The following COL21A1 variants were observed in gnomAD, a reference collection of about 807,000 sequenced individuals.
The protein encoded by COL21A1 is collagen type XXI alpha 1 chain, also known as collagen alpha-1(XXI) chain.
A neutral mutation model predicts 137.9 loss-of-function variants in COL21A1; 149 were observed. That is an observed-to-expected ratio of 1.08 (90% CI 0.95 to 1.24). The LOEUF is 1.24. COL21A1 is among the 50% of genes most tolerant of loss of function. The probability of loss-of-function intolerance (pLI) is 0.00; values close to 1 mark genes in which losing one functional copy is unlikely to be tolerated. For synonymous variants in COL21A1, 456 were observed against 391.5 expected (o/e 1.16, Z -1.95); for missense variants, 1,167 against 1,158.4 (o/e 1.01, Z -0.11).
At chr6:56,385,492 T>A (rs144041875) in intron 1 of COL21A1, among the ~76,000 whole-genome samples, 2,028 of 152,294 alleles carry the variant, frequency 0.013, 16 homozygotes, top group Non-Finnish European at 0.02. Context: ...CGAGTCCTTC[T>A]CACATTGTAT....
intron 1 of COL21A1, among the ~76,000 whole-genome samples, chr6:56,389,236 C>A (rs2094024423): frequency 6.6e-6 from 1 of 152,010 alleles, no homozygotes; most frequent in African/African-American, 2.4e-5. Context: ...GTGGCGTGCA[C>A]CTGTAGTCCC....
chr6:56,320,547 A>ACC (rs967861623), intron 1 of COL21A1, among the ~76,000 whole-genome samples: 1 of 120,320 alleles, frequency 8.3e-6, no homozygotes, highest in African/African-American at 3.1e-5. Context: ...ACACACACAC[A>ACC]CCCCTCCCAC....
intron 1 of COL21A1, among the ~76,000 whole-genome samples, chr6:56,313,822 C>G (rs1764667469): frequency 6.6e-6 from 1 of 152,042 alleles, no homozygotes; most frequent in Non-Finnish European, 1.5e-5. Context: ...GAACAGATGC[C>G]CCAGCCAAAT....
chr6:56,294,587 C>T (rs1030796840), intron 1 of COL21A1, among the ~76,000 whole-genome samples: 2 of 152,092 alleles, frequency 1.3e-5, no homozygotes, highest in South Asian at 4.1e-4. Flanking sequence ...GCAATACTAA[C>T]GATAGCCCAT....
At chr6:56,248,839 G>T (rs1259045922), upstream of COL21A1, among the ~76,000 whole-genome samples, 1 of 139,010 alleles carries the variant, frequency 7.2e-6, no homozygotes, top group Non-Finnish European at 1.5e-5. Flanking sequence ...CTTTGGATTT[G>T]GTAACATCTT....
At chr6:56,389,936 TC>T (rs1275322567) in intron 1 of COL21A1, among the ~76,000 whole-genome samples, 1 of 152,168 alleles carries the variant, frequency 6.6e-6, no homozygotes, top group Non-Finnish European at 1.5e-5. Flanking sequence ...TAAAGGGAGT[TC>T]CTCAATCTTA....
chr6:56,307,304 A>C (rs575228860), intron 1 of COL21A1, among the ~76,000 whole-genome samples: 2 of 152,312 alleles, frequency 1.3e-5, no homozygotes, highest in African/African-American at 4.8e-5. Flanking sequence ...TTGTTTGGCA[A>C]TGTCCTGCCC....
intron 1 of COL21A1, among the ~76,000 whole-genome samples, chr6:56,358,350 C>A (rs574072906): frequency 1.9e-4 from 29 of 151,870 alleles, no homozygotes; most frequent in African/African-American, 6.5e-4. Context: ...AAAAAAAAAA[C>A]CCCAAACCAA....
chr6:56,228,571 G>A (rs549556824), intron 1 of COL21A1, among the ~76,000 whole-genome samples: 2 of 150,788 alleles, frequency 1.3e-5, no homozygotes, highest in Admixed American at 1.3e-4. Context: ...GTATGGACAT[G>A]AAATGGTTCA....
chr6:56,344,566 T>G (rs1411936243), intron 1 of COL21A1, among the ~76,000 whole-genome samples: 3 of 152,228 alleles, frequency 2.0e-5, no homozygotes, highest in Non-Finnish European at 2.9e-5. Flanking sequence ...TATAATAAGT[T>G]GGATGAGAGT....
chr6:56,234,078 G>A (rs9349804), intron 1 of COL21A1, among the ~76,000 whole-genome samples: 85,434 of 151,494 alleles, frequency 0.56, 24,345 homozygotes, highest in East Asian at 0.77. Context: ...TATAATAAAA[G>A]ACAAGAAAGC....
At chr6:56,068,630 A>C (rs1195507713) in intron 22 of COL21A1, 4 of 153,116 alleles carry the variant, frequency 2.6e-5, no homozygotes, top group Non-Finnish European at 5.8e-5. Context: ...TCATGGTCAA[A>C]CATTTTGGAC....
chr6:56,074,104 A>AT (rs1252482159), intron 20 of COL21A1, 128 bp downstream of exon 20: 30 of 595,736 alleles, frequency 5.0e-5, no homozygotes, highest in South Asian at 1.2e-4. Flanking sequence ...CTTACAAGTG[A>AT]TTTTTTTTCA....
At chr6:56,241,341 T>A (rs1488235920) in intron 1 of COL21A1, among the ~76,000 whole-genome samples, 3 of 152,194 alleles carry the variant, frequency 2.0e-5, no homozygotes, top group Admixed American at 2.0e-4. Flanking sequence ...GGCCGGCACC[T>A]TGAGCTTGGA....
At chr6:56,247,201 C>T (rs1185380597) in intron 1 of COL21A1, among the ~76,000 whole-genome samples, 186 bp downstream of exon 1, 1 of 152,222 alleles carries the variant, frequency 6.6e-6, no homozygotes, top group East Asian at 1.9e-4. Flanking sequence ...CAAGACAAAT[C>T]CTGACATCTC....
chr6:56,321,753 G>A (rs1341076478), intron 1 of COL21A1, among the ~76,000 whole-genome samples: 2 of 152,072 alleles, frequency 1.3e-5, no homozygotes, highest in South Asian at 2.1e-4. Flanking sequence ...ATCAGAAGTT[G>A]ACAATGACCA....
chr6:56,185,431 T>C (rs944140944), intron 1 of COL21A1, among the ~76,000 whole-genome samples: 3 of 128,910 alleles, frequency 2.3e-5, no homozygotes, highest in African/African-American at 5.9e-5. Context: ...ACAGTCTTTT[T>C]TTTTTTTTTT....
chr6:56,229,053 T>C (rs1273518936), intron 1 of COL21A1, among the ~76,000 whole-genome samples: 1 of 151,936 alleles, frequency 6.6e-6, no homozygotes, highest in Non-Finnish European at 1.5e-5. Context: ...GTAATTTTTA[T>C]TTTTTGATGC....
intron 1 of COL21A1, among the ~76,000 whole-genome samples, chr6:56,203,647 G>A (rs1056315273): frequency 6.6e-6 from 1 of 152,154 alleles, no homozygotes; most frequent in African/African-American, 2.4e-5. Flanking sequence ...GACTAAAGAC[G>A]AAGTCATTTG....
Sources: allele counts gnomAD v4.1 joint callset (sites outside exome capture counted in the v4.1 genomes callset), GRCh38; gene constraint gnomAD v4.1.1; transcripts MANE v1.5; gene names NCBI Gene and HGNC (gene_info 2026-07-23, HGNC 2026-07-21).